Variants in RORA observed in about 807,000 individuals in gnomAD.
RORA encodes nuclear receptor ROR-alpha.
In RORA, 7 loss-of-function variants were observed where a neutral mutation model predicts 69.5. The observed-to-expected ratio is 0.10, with a 90% CI of 0.06 to 0.19. The LOEUF (loss-of-function observed/expected upper bound fraction) is 0.19. Among genes scored for constraint, RORA ranks in the 10% least tolerant of loss-of-function variants. The pLI, the probability that RORA is intolerant of heterozygous loss-of-function variation, is 1.00. For synonymous variants in RORA, 261 were observed against 240.8 expected, an observed-to-expected ratio of 1.08 and a Z score of -0.78; for missense variants, 457 against 663.0, an observed-to-expected ratio of 0.69 and a Z score of 3.41.
chr15:60,632,454 T>C (rs887007428), intron 2 of RORA, among the ~76,000 whole-genome samples: 1 of 152,164 alleles, frequency 6.6e-6, no homozygotes, highest in Non-Finnish European at 1.5e-5. Flanking sequence ...TAGGTGTAGG[T>C]TGGCCCGAGA....
At chr15:61,191,534 G>A (rs2079800299) in intron 1 of RORA, among the ~76,000 whole-genome samples, 1 of 152,190 alleles carries the variant, frequency 6.6e-6, no homozygotes, top group South Asian at 2.1e-4. Flanking sequence ...CTTAGGCTGT[G>A]TCAAAACCAT....
intron 1 of RORA, among the ~76,000 whole-genome samples, chr15:61,167,207 G>A (rs1419276555): frequency 1.3e-5 from 2 of 152,152 alleles, no homozygotes; most frequent in African/African-American, 2.4e-5. Flanking sequence ...TCTCTTAAAT[G>A]TCAACCTGCT....
chr15:60,683,711 A>T (rs2070693332), intron 1 of RORA, among the ~76,000 whole-genome samples: 1 of 151,846 alleles, frequency 6.6e-6, no homozygotes, highest in African/African-American at 2.4e-5. Flanking sequence ...GTAATGCTTG[A>T]GCACAATTTC....
At chr15:60,533,310 T>C (rs112870956) in intron 2 of RORA, among the ~76,000 whole-genome samples, 6 of 152,300 alleles carry the variant, frequency 3.9e-5, no homozygotes, top group Non-Finnish European at 8.8e-5. Flanking sequence ...CCAGTGTATT[T>C]TCTATACTCT....
At chr15:60,867,585 T>C (rs964437028) in intron 1 of RORA, among the ~76,000 whole-genome samples, 1 of 152,206 alleles carries the variant, frequency 6.6e-6, no homozygotes, top group Admixed American at 6.5e-5. Flanking sequence ...ATCGCCCTTT[T>C]TGCCAAGTTT....
At chr15:60,616,601 G>A (rs1373986466) in intron 2 of RORA, among the ~76,000 whole-genome samples, 2 of 152,132 alleles carry the variant, frequency 1.3e-5, no homozygotes, top group African/African-American at 2.4e-5. Context: ...GGGGTCATGG[G>A]GTTTAAGAAA....
intron 1 of RORA, among the ~76,000 whole-genome samples, chr15:60,745,898 CTT>C (rs2071641187): frequency 6.6e-6 from 1 of 152,104 alleles, no homozygotes; most frequent in African/African-American, 2.4e-5. Flanking sequence ...TTTAAAGCCG[CTT>C]AATTTCCTGT....
intron 1 of RORA, among the ~76,000 whole-genome samples, chr15:61,196,781 C>T (rs920600085): frequency 5.3e-5 from 8 of 152,220 alleles, no homozygotes; most frequent in Admixed American, 2.0e-4. Context: ...ATAATTGTTA[C>T]AGTGTTTTAA....
chr15:60,906,121 C>G (rs1373868393), intron 1 of RORA, among the ~76,000 whole-genome samples: 1 of 152,164 alleles, frequency 6.6e-6, no homozygotes, highest in African/African-American at 2.4e-5. Context: ...AATATATGAA[C>G]AAGCCTGCTA....
At chr15:61,088,205 C>G (rs2078653647) in intron 1 of RORA, among the ~76,000 whole-genome samples, 2 of 152,128 alleles carry the variant, frequency 1.3e-5, no homozygotes, top group African/African-American at 4.8e-5. Context: ...GAGAACAGAC[C>G]CATCAGAGAG....
At chr15:60,699,445 C>T (rs954965731) in intron 1 of RORA, among the ~76,000 whole-genome samples, 3 of 152,006 alleles carry the variant, frequency 2.0e-5, no homozygotes, top group Non-Finnish European at 4.4e-5. Flanking sequence ...TTTGTTCTCC[C>T]GAGAGGTATG....
chr15:60,530,958 G>A (rs1015852180), intron 3 of RORA: 1 of 152,110 alleles, frequency 6.6e-6, no homozygotes. Flanking sequence ...TTAATAAATT[G>A]AGATTTGAAT....
chr15:60,993,717 G>A (rs568898109), intron 1 of RORA, among the ~76,000 whole-genome samples: 5 of 147,794 alleles, frequency 3.4e-5, no homozygotes, highest in East Asian at 2.0e-4. Flanking sequence ...GATCAGTACC[G>A]CATTTAATTC....
chr15:60,771,080 T>C (rs2072065669), intron 1 of RORA, among the ~76,000 whole-genome samples: 1 of 152,226 alleles, frequency 6.6e-6, no homozygotes, highest in African/African-American at 2.4e-5. Flanking sequence ...GGCAACCCTA[T>C]CCATAGCGCA....
At chr15:60,778,217 TTTTGTTTTTG>T (rs144543413) in intron 1 of RORA, among the ~76,000 whole-genome samples, 29,988 of 133,274 alleles carry the variant, frequency 0.23, 3,469 homozygotes, top group African/African-American at 0.38. Flanking sequence ...GGGCTCAGGT[TTTTGTTTTTG>T]TTTGTTTGTT....
chr15:61,138,437 T>G (rs111916160), intron 1 of RORA, among the ~76,000 whole-genome samples: 1 of 152,194 alleles, frequency 6.6e-6, no homozygotes. Flanking sequence ...GTGCTTCATG[T>G]TGGCCGTCAT....
chr15:60,569,247 T>C (rs1231744225), intron 2 of RORA, among the ~76,000 whole-genome samples: 2 of 139,990 alleles, frequency 1.4e-5, no homozygotes, highest in African/African-American at 5.7e-5. Flanking sequence ...AGAGACTCCA[T>C]CTCTTTAAAA....
intron 1 of RORA, among the ~76,000 whole-genome samples, chr15:60,846,244 G>A (rs2073263561): frequency 6.6e-6 from 1 of 152,210 alleles, no homozygotes; most frequent in Non-Finnish European, 1.5e-5. Flanking sequence ...TCGCTTCCAG[G>A]TCAGAACCAC....
chr15:60,873,500 T>C (rs1172419767), intron 1 of RORA, among the ~76,000 whole-genome samples: 7 of 152,142 alleles, frequency 4.6e-5, no homozygotes, highest in Non-Finnish European at 1.0e-4. Flanking sequence ...TTCATATAAC[T>C]TGTGGTGAGC....
Sources: allele counts gnomAD v4.1 joint callset (sites outside exome capture counted in the v4.1 genomes callset), GRCh38; gene constraint gnomAD v4.1.1; transcripts MANE v1.5; gene names NCBI Gene and HGNC (gene_info 2026-07-23, HGNC 2026-07-21).